EFNA5: variants seen among roughly 807,000 people sequenced by gnomAD.
The protein encoded by EFNA5 is ephrin-A5.
EFNA5 carries 5 observed loss-of-function variants against 22.9 expected under a neutral mutation model. That is an observed-to-expected ratio of 0.22 (90% CI 0.11 to 0.46). The LOEUF is 0.46. EFNA5 is among the 20% of genes least tolerant of loss of function. The pLI is 0.99. For missense variants in EFNA5, 237 were observed against 293.3 expected, an observed-to-expected ratio of 0.81 and a Z score of 1.40; for synonymous variants, 113 against 112.2, an observed-to-expected ratio of 1.01 and a Z score of -0.04.
intron 1 of EFNA5, among the ~76,000 whole-genome samples, chr5:107,463,612 TAG>T (rs1338523869): frequency 1.3e-5 from 2 of 152,134 alleles, no homozygotes; most frequent in South Asian, 4.1e-4. Context: ...CTAAACAATT[TAG>T]AGAGTAAATA....
At chr5:107,652,754 T>C (rs1750757126) in intron 1 of EFNA5, among the ~76,000 whole-genome samples, 1 of 152,174 alleles carries the variant, frequency 6.6e-6, no homozygotes, top group African/African-American at 2.4e-5. Flanking sequence ...ACGGGATGGT[T>C]TTCACTAAAA....
At chr5:107,545,479 C>A (rs370020316) in intron 1 of EFNA5, among the ~76,000 whole-genome samples, 20 of 152,306 alleles carry the variant, frequency 1.3e-4, no homozygotes, top group African/African-American at 4.1e-4. Context: ...AGCAAGTGAG[C>A]CCTAACCCTG....
At chr5:107,568,060 C>T (rs2112483000) in intron 1 of EFNA5, among the ~76,000 whole-genome samples, 1 of 152,184 alleles carries the variant, frequency 6.6e-6, no homozygotes, top group South Asian at 2.1e-4. Flanking sequence ...CCATGCCCAG[C>T]TCGTTTTAAT....
At chr5:107,590,550 A>G (rs955463439) in intron 1 of EFNA5, among the ~76,000 whole-genome samples, 11 of 151,768 alleles carry the variant, frequency 7.2e-5, no homozygotes, top group African/African-American at 2.7e-4. Flanking sequence ...CACTAGGCTG[A>G]GCTATTTTTT....
intron 1 of EFNA5, among the ~76,000 whole-genome samples, chr5:107,610,869 T>G (rs1338870538): frequency 6.6e-6 from 1 of 151,802 alleles, no homozygotes; most frequent in African/African-American, 2.4e-5. Flanking sequence ...ACTGAAAAGG[T>G]CATATAGCAA....
At chr5:107,544,793 A>C (rs1263329765) in intron 1 of EFNA5, among the ~76,000 whole-genome samples, 1 of 152,196 alleles carries the variant, frequency 6.6e-6, no homozygotes, top group African/African-American at 2.4e-5. Flanking sequence ...TTCCAATCAC[A>C]ACCCAAATAT....
At chr5:107,584,038 G>T (rs1340151512) in intron 1 of EFNA5, among the ~76,000 whole-genome samples, 1 of 152,094 alleles carries the variant, frequency 6.6e-6, no homozygotes, top group Non-Finnish European at 1.5e-5. Flanking sequence ...GCGTCCACAG[G>T]GGATTATGTA....
rs555812874 is a variant in EFNA5, at chr5:107,603,003, G to A, written c.125+67486C>T. Among the ~76,000 whole-genome samples, 4 of 152,264 alleles carry A rather than the reference G, an allele frequency of 2.6e-5. No individual in the cohort carries two copies. The South Asian group carries it at 8.3e-4, about 32-fold the overall frequency. The stretch of plus-strand genomic sequence containing the variant: ...CCTCGAAGGCTCCCGAGTGCATTCC[G>A]GTATTACCAAGGAGTTCAATAAATG... On this transcript the variant is annotated intron_variant, in intron 1 of 4. Transcript: ENST00000333274.
intron 1 of EFNA5, among the ~76,000 whole-genome samples, chr5:107,590,758 C>T (rs1238856207): frequency 6.6e-6 from 1 of 152,100 alleles, no homozygotes; most frequent in African/African-American, 2.4e-5. Flanking sequence ...CTTACTTGTT[C>T]CATAGTCATA....
intron 2 of EFNA5, among the ~76,000 whole-genome samples, chr5:107,424,514 C>A (rs1748759067): frequency 6.6e-6 from 1 of 151,886 alleles, no homozygotes; most frequent in Non-Finnish European, 1.5e-5. Flanking sequence ...CTGTGCACAG[C>A]CAGCTTTCTT....
intron 1 of EFNA5, among the ~76,000 whole-genome samples, chr5:107,459,824 T>C (rs1441905269): frequency 6.6e-6 from 1 of 152,074 alleles, no homozygotes; most frequent in Non-Finnish European, 1.5e-5. Context: ...TGAGGAAACA[T>C]CAGATGATAA....
intron 1 of EFNA5, among the ~76,000 whole-genome samples, chr5:107,521,975 C>T (rs1179287541): frequency 6.6e-6 from 1 of 152,154 alleles, no homozygotes; most frequent in East Asian, 1.9e-4. Context: ...ACTACAGGTA[C>T]ACCATCTTGC....
chr5:107,663,700 T>G (rs1352221208), intron 1 of EFNA5, among the ~76,000 whole-genome samples: 4 of 152,156 alleles, frequency 2.6e-5, no homozygotes. Flanking sequence ...AGACGATCTC[T>G]CCTTGAGCTA....
intron 1 of EFNA5, among the ~76,000 whole-genome samples, chr5:107,634,258 G>A (rs1279396994): frequency 6.6e-6 from 1 of 152,102 alleles, no homozygotes; most frequent in Non-Finnish European, 1.5e-5. Context: ...TCTCACTCGT[G>A]TAATCCAAGC....
intron 1 of EFNA5, among the ~76,000 whole-genome samples, chr5:107,498,886 G>C (rs1427014887): frequency 6.6e-6 from 1 of 152,102 alleles, no homozygotes; most frequent in Non-Finnish European, 1.5e-5. Context: ...TGATTACCCT[G>C]TAAATTACCT....
intron 1 of EFNA5, among the ~76,000 whole-genome samples, chr5:107,657,217 C>T (rs1358654931): frequency 1.3e-5 from 2 of 152,036 alleles, no homozygotes; most frequent in East Asian, 1.9e-4. Flanking sequence ...GCATCTTCTA[C>T]TTCATCTAAA....
At chr5:107,598,593 T>C (rs1749523152) in intron 1 of EFNA5, among the ~76,000 whole-genome samples, 1 of 152,196 alleles carries the variant, frequency 6.6e-6, no homozygotes, top group South Asian at 2.1e-4. Context: ...TGGAAGGCTA[T>C]GTACCCACAA....
intron 1 of EFNA5, among the ~76,000 whole-genome samples, chr5:107,637,357 C>A (rs1750394157): frequency 6.6e-6 from 1 of 152,144 alleles, no homozygotes; most frequent in South Asian, 2.1e-4. Context: ...TTGACTCCAG[C>A]CTGCTTCCAG....
chr5:107,440,454 T>G (rs1443906856), intron 1 of EFNA5, among the ~76,000 whole-genome samples: 1 of 152,166 alleles, frequency 6.6e-6, no homozygotes, highest in East Asian at 1.9e-4. Flanking sequence ...TTTCAGAATT[T>G]TTGGTATTGC....
Sources: gnomAD v4.1 joint callset for allele counts (sites outside exome capture counted in the v4.1 genomes callset) on GRCh38, gnomAD v4.1.1 for gene constraint, MANE v1.5 for transcripts, NCBI Gene and HGNC (gene_info 2026-07-23, HGNC 2026-07-21) for gene names.